The following MALT1 variants were observed in gnomAD, a reference collection of about 807,000 sequenced individuals.
MALT1 encodes MALT1 paracaspase, also known as mucosa-associated lymphoid tissue lymphoma translocation protein 1.
MALT1 carries 36 observed loss-of-function variants against 85.5 expected under a neutral mutation model. The ratio of observed to expected loss-of-function variants is 0.42; its 90% CI spans 0.32 to 0.56. MALT1 has a LOEUF of 0.56. Among genes scored for constraint, MALT1 ranks in the 20% least tolerant of loss-of-function variants. The pLI is 0.10. For missense variants in MALT1, 716 were observed against 981.6 expected (o/e 0.73, Z 3.62); for synonymous variants, 359 against 361.3 (o/e 0.99, Z 0.07).
At chr18:58,713,134 T>G (rs2054854166) in intron 7 of MALT1, among the ~76,000 whole-genome samples, 1 of 152,178 alleles carries the variant, frequency 6.6e-6, no homozygotes, top group Non-Finnish European at 1.5e-5. Context: ...ATGTGCTGAC[T>G]CAGACCTTCT....
chr18:58,737,411 G>T (rs2055238028), intron 13 of MALT1, among the ~76,000 whole-genome samples: 1 of 150,802 alleles, frequency 6.6e-6, no homozygotes, highest in Non-Finnish European at 1.5e-5. Context: ...GAGCCTGGCA[G>T]TTTGAGACTG....
At chr18:58,678,325 GTT>G (rs895820816) in intron 1 of MALT1, among the ~76,000 whole-genome samples, 3 of 152,192 alleles carry the variant, frequency 2.0e-5, no homozygotes, top group Non-Finnish European at 4.4e-5. Flanking sequence ...GCACTATTAT[GTT>G]TCACCTCTTG....
chr18:58,720,830 T>A (rs1254757165), intron 9 of MALT1, among the ~76,000 whole-genome samples: 1 of 152,214 alleles, frequency 6.6e-6, no homozygotes, highest in African/African-American at 2.4e-5. Context: ...TTTACAAGCA[T>A]TTTACTACCC....
chr18:58,688,890 C>G (rs1204333392), intron 2 of MALT1, among the ~76,000 whole-genome samples: 1 of 152,074 alleles, frequency 6.6e-6, no homozygotes, highest in Non-Finnish European at 1.5e-5. Context: ...GTGGCTCACT[C>G]CTATAATCCC....
intron 2 of MALT1, among the ~76,000 whole-genome samples, chr18:58,688,686 A>G (rs2054448481): frequency 6.6e-6 from 1 of 151,364 alleles, no homozygotes; most frequent in African/African-American, 2.4e-5. Flanking sequence ...TAGAGGAAAA[A>G]CCCTTTCCAT....
intron 4 of MALT1, among the ~76,000 whole-genome samples, chr18:58,708,563 T>G (rs8093315): frequency 0.42 from 64,109 of 151,840 alleles, 14,430 homozygotes; most frequent in African/African-American, 0.59. Context: ...GACATTTGTG[T>G]GGGGTGGGAG....
intron 14 of MALT1, among the ~76,000 whole-genome samples, chr18:58,744,090 T>G (rs1016257838): frequency 2.7e-5 from 4 of 147,568 alleles, no homozygotes; most frequent in African/African-American, 7.4e-5. Flanking sequence ...TATCTACAAT[T>G]GTATGCATAT....
intron 12 of MALT1, 151 bp from the exon 13 acceptor site, chr18:58,735,051 C>T: frequency 4.1e-6 from 2 of 492,910 alleles, no homozygotes; most frequent in South Asian, 2.2e-5. Context: ...ACTAACAGTC[C>T]CCACGCTGTC....
chr18:58,722,543 G>A (rs565232936), intron 9 of MALT1, among the ~76,000 whole-genome samples: 18 of 152,164 alleles, frequency 1.2e-4, no homozygotes, highest in African/African-American at 3.4e-4. Context: ...TACAGTACCC[G>A]TGAAGTTCTC....
chr18:58,697,383 G>A (rs1441929391), intron 3 of MALT1: 2 of 152,178 alleles, frequency 1.3e-5, no homozygotes, highest in Non-Finnish European at 2.9e-5. Context: ...AGGTAAGACA[G>A]AGCAACTGTG....
intron 2 of MALT1, among the ~76,000 whole-genome samples, chr18:58,681,608 A>G (rs2054323542): frequency 6.6e-6 from 1 of 152,226 alleles, no homozygotes; most frequent in Non-Finnish European, 1.5e-5. Context: ...TCATATGATA[A>G]TGATACTATA....
chr18:58,715,698 T>C (rs2144402904), intron 8 of MALT1, among the ~76,000 whole-genome samples: 1 of 152,216 alleles, frequency 6.6e-6, no homozygotes, highest in East Asian at 1.9e-4. Context: ...AGATCTGTTA[T>C]ATATAAAGCA....
At chr18:58,673,185 A>G (rs2054191812) in intron 1 of MALT1, among the ~76,000 whole-genome samples, 1 of 152,238 alleles carries the variant, frequency 6.6e-6, no homozygotes, top group Non-Finnish European at 1.5e-5. Flanking sequence ...AAAGTCATTC[A>G]TTCAAAATGG....
chr18:58,673,343 ATGAT>A (rs895296988), intron 1 of MALT1, among the ~76,000 whole-genome samples: 2 of 152,254 alleles, frequency 1.3e-5, no homozygotes, highest in Admixed American at 6.5e-5. Flanking sequence ...TTGGGTATGA[ATGAT>A]AATGGATTTT....
chr18:58,675,695 A>C (rs976646439), intron 1 of MALT1, among the ~76,000 whole-genome samples: 4 of 152,174 alleles, frequency 2.6e-5, no homozygotes, highest in Admixed American at 1.3e-4. Context: ...CTCTAAAACA[A>C]ATAAACTAAA....
intron 4 of MALT1, among the ~76,000 whole-genome samples, chr18:58,702,611 G>GA (rs1298685428): frequency 1.3e-5 from 2 of 152,160 alleles, no homozygotes; most frequent in African/African-American, 2.4e-5. Context: ...TTTTGTAGGA[G>GA]AAAAAACTCT....
chr18:58,715,808 TA>T, intron 8 of MALT1, 126 bp from the exon 9 acceptor site: 1 of 707,314 alleles, frequency 1.4e-6, no homozygotes, highest in Non-Finnish European at 2.5e-6. Flanking sequence ...GTGTTTTTAT[TA>T]AAAATCTGAA....
intron 1 of MALT1, among the ~76,000 whole-genome samples, chr18:58,678,461 G>A (rs2054272971): frequency 6.6e-6 from 1 of 152,114 alleles, no homozygotes. Context: ...GTCTGCGTGT[G>A]TGTGTGTATA....
chr18:58,698,730 T>C (rs2054629731), intron 3 of MALT1, among the ~76,000 whole-genome samples: 1 of 152,184 alleles, frequency 6.6e-6, no homozygotes. Flanking sequence ...GCTTGCTAAC[T>C]GGTTAAGTTA....
Sources: allele counts gnomAD v4.1 joint callset (sites outside exome capture counted in the v4.1 genomes callset), GRCh38; gene constraint gnomAD v4.1.1; transcripts MANE v1.5; gene names NCBI Gene and HGNC (gene_info 2026-07-23, HGNC 2026-07-21).